FYB1: variants seen among roughly 807,000 people sequenced by gnomAD.
The protein encoded by FYB1 is FYN-binding protein 1.
Under a neutral mutation model 94.1 loss-of-function variants are expected in FYB1, and 41 were observed. The observed-to-expected ratio is 0.44, with a 90% CI of 0.34 to 0.57. The LOEUF (loss-of-function observed/expected upper bound fraction) is 0.57, where lower values mean the gene tolerates loss of function less well. Among genes scored for constraint, FYB1 ranks in the 20% least tolerant of loss-of-function variants. FYB1 has a pLI of 0.02. For synonymous variants in FYB1, 367 were observed against 353.2 expected, an observed-to-expected ratio of 1.04 and a Z score of -0.44; for missense variants, 1,050 against 976.8, an observed-to-expected ratio of 1.07 and a Z score of -1.00.
chr5:39,268,240 C>CTT (rs112656513), intron 1 of FYB1, among the ~76,000 whole-genome samples: 1 of 140,984 alleles, frequency 7.1e-6, no homozygotes. Context: ...TTCTTTTTTT[C>CTT]TTTTTTTTTT....
At chr5:39,218,500 A>G (rs1750050939) in intron 1 of FYB1, among the ~76,000 whole-genome samples, 1 of 152,210 alleles carries the variant, frequency 6.6e-6, no homozygotes, top group African/African-American at 2.4e-5. Flanking sequence ...TCTGTTTCCC[A>G]CGCAGAATTA....
intron 1 of FYB1, among the ~76,000 whole-genome samples, chr5:39,253,717 T>C (rs1751826063): frequency 1.3e-5 from 2 of 151,650 alleles, no homozygotes; most frequent in Admixed American, 6.6e-5. Context: ...TAAATGTGTG[T>C]TGTAATGTAT....
rs1486326591 is a variant in FYB1 at position 39,244,189 on chromosome 5, C to G, written c.-28+30214G>C. ...ACTTCCAACACTATGTTGAATAGGA[C>G]TGGTGAGAGAGGGCATCCCTGTCTT... is the stretch of plus-strand genomic sequence containing the variant. On this transcript the variant is annotated intron_variant, in intron 1 of 1. Transcript: ENST00000510188. Among the ~76,000 whole-genome samples the G allele has an allele frequency of 1.3e-3, 195 of 151,802 alleles. 1 individual carries two copies. In the East Asian group the frequency reaches 0.021, roughly 16 times the overall value.
intron 1 of FYB1, among the ~76,000 whole-genome samples, chr5:39,229,906 G>A (rs2150568683): frequency 6.6e-6 from 1 of 152,308 alleles, no homozygotes; most frequent in South Asian, 2.1e-4. Context: ...CCAGGCCCGT[G>A]TGGTTCAATT....
intron 1 of FYB1, among the ~76,000 whole-genome samples, chr5:39,235,607 C>A (rs1190037613): frequency 1.3e-5 from 2 of 151,076 alleles, no homozygotes; most frequent in African/African-American, 2.4e-5. Flanking sequence ...TGCTAGACAC[C>A]TGAGTAGATA....
chr5:39,273,073 T>C (rs1011953952), intron 1 of FYB1, among the ~76,000 whole-genome samples: 3 of 152,230 alleles, frequency 2.0e-5, no homozygotes, highest in Admixed American at 6.5e-5. Context: ...TGGGGGGCGC[T>C]TCTGCCCGGC....
intron 1 of FYB1, among the ~76,000 whole-genome samples, chr5:39,261,625 T>C (rs987319695): frequency 1.3e-5 from 2 of 152,060 alleles, no homozygotes; most frequent in Non-Finnish European, 2.9e-5. Flanking sequence ...TGCGTGCCTG[T>C]AATCCCAGCT....
chr5:39,270,084 G>A (rs1752608109), intron 1 of FYB1, among the ~76,000 whole-genome samples: 1 of 151,948 alleles, frequency 6.6e-6, no homozygotes, highest in Admixed American at 6.6e-5. Context: ...AGACTGTTTG[G>A]GCTTTTTTTG....
upstream of FYB1, chr5:39,219,718 T>A (rs867399077): frequency 1.1e-5 from 5 of 448,144 alleles, 1 homozygote; most frequent in South Asian, 4.7e-4. Flanking sequence ...TAAAAGTGTC[T>A]GTTCAGCCTG....
At position 39,107,445 on chromosome 5, in the gene FYB1, A is replaced by G. The variant is rs1480384939; in HGVS notation, c.2488T>C (p.Ter830GlnextTer20). ...AGCAGAATGACCAAAGTTGAGTGCT[A>G]GTCATTGTCATAGATGCAGCCTGAA... ...IADGCIYDND[*>Q] Residue 830 changes from the stop codon to glutamine (Q), a stop_lost, in exon 19 of 19, where the codon TAG becomes CAG. Coordinates refer to ENST00000512982, the MANE Select transcript of FYB1 (RefSeq NM_001465.6). The G allele has an allele frequency of 6.5e-7, 1 of 1,530,748 alleles. No homozygotes were observed. The highest frequency in any genetic ancestry group is 8.8e-7 in the Non-Finnish European group (1 of 1,134,852). 94.8% of individuals were successfully genotyped at this position (1,530,748 alleles called of 1,614,324 possible).
rs1259599103 is a variant in FYB1, at chr5:39,202,767, G to A, written c.194C>T (p.Ala65Val). 24 of 1,613,846 alleles carry A rather than the reference G, an allele frequency of 1.5e-5. No individual in the cohort carries two copies. Among genetic ancestry groups the A allele is most frequent in the Non-Finnish European group, 1.9e-5 (23 of 1,179,882 alleles). Residue 65 changes from alanine (A) to valine (V), a missense_variant, in exon 2 of 19, where the codon GCA becomes GTA. Coordinates refer to ENST00000512982, the MANE Select transcript of FYB1 (RefSeq NM_001465.6). ...CTTTTCCTCAGAAGAAGGTTTGACTGCCACAGGTGGCTTTGGGGACCCAAA... is the reference window on the plus strand; with the variant it reads ...CTTTTCCTCAGAAGAAGGTTTGACTACCACAGGTGGCTTTGGGGACCCAAA... ...PKFGSPKPPV[A>V]VKPSSEEKPD...
intron 1 of FYB1, among the ~76,000 whole-genome samples, chr5:39,244,907 G>C (rs1751400212): frequency 6.6e-6 from 1 of 152,074 alleles, no homozygotes; most frequent in African/African-American, 2.4e-5. Flanking sequence ...ATTTCTTCTA[G>C]GTTTTCTAGT....
chr5:39,217,664 A>C (rs529380248), intron 1 of FYB1, among the ~76,000 whole-genome samples: 2 of 152,318 alleles, frequency 1.3e-5, no homozygotes, highest in African/African-American at 4.8e-5. Context: ...TGCGTGGCAG[A>C]GACCACCTTC....
chr5:39,219,817 C>T (rs981007871), upstream of FYB1, among the ~76,000 whole-genome samples: 2 of 152,194 alleles, frequency 1.3e-5, no homozygotes, highest in Non-Finnish European at 2.9e-5. Flanking sequence ...CATGTTTATT[C>T]AAGAGGAAGA....
At chr5:39,214,759 C>G (rs193226895) in intron 1 of FYB1, among the ~76,000 whole-genome samples, 63 of 152,276 alleles carry the variant, frequency 4.1e-4, no homozygotes, top group Admixed American at 4.1e-3. Flanking sequence ...GAAAACCCAT[C>G]TCTACTAAAA....
intron 1 of FYB1, among the ~76,000 whole-genome samples, chr5:39,212,229 G>A (rs1490162252): frequency 4.6e-5 from 7 of 152,034 alleles, no homozygotes; most frequent in Non-Finnish European, 1.0e-4. Flanking sequence ...GATTGCTTGA[G>A]CCCGGGAGGT....
chr5:39,244,784 T>C (rs182206887), intron 1 of FYB1, among the ~76,000 whole-genome samples: 1 of 152,288 alleles, frequency 6.6e-6, no homozygotes, highest in Non-Finnish European at 1.5e-5. Context: ...CTTTTTTTGG[T>C]TGGTAGGCTA....
intron 1 of FYB1, among the ~76,000 whole-genome samples, chr5:39,225,330 C>A (rs1422670134): frequency 2.0e-5 from 3 of 152,108 alleles, no homozygotes; most frequent in African/African-American, 4.8e-5. Context: ...TTTATGTTAG[C>A]AAACCAAAGC....
At chr5:39,266,805 C>T (rs1165257122) in intron 1 of FYB1, among the ~76,000 whole-genome samples, 2 of 152,164 alleles carry the variant, frequency 1.3e-5, no homozygotes, top group African/African-American at 4.8e-5. Context: ...AGTAGGAAAA[C>T]TCATAGTGAC....
Sources: gnomAD v4.1 joint callset for allele counts (sites outside exome capture counted in the v4.1 genomes callset) on GRCh38, gnomAD v4.1.1 for gene constraint, MANE v1.5 for transcripts, NCBI Gene and HGNC (gene_info 2026-07-23, HGNC 2026-07-21) for gene names.